The following FAM83B variants were observed in gnomAD, a reference collection of about 807,000 sequenced individuals.
FAM83B encodes the protein protein FAM83B.
FAM83B carries 26 observed loss-of-function variants against 38.8 expected under a neutral mutation model. That is an observed-to-expected ratio of 0.67 (90% CI 0.49 to 0.93). FAM83B has a LOEUF of 0.93. Among genes scored for constraint, FAM83B ranks in the 40% least tolerant of loss-of-function variants. The pLI is 0.00. For synonymous variants in FAM83B, 419 were observed against 423.1 expected (o/e 0.99, Z 0.12); for missense variants, 1,237 against 1,197.3 (o/e 1.03, Z -0.49).
chr6:54,858,564 C>T, intron 1 of FAM83B, among the ~76,000 whole-genome samples: 1 of 152,164 alleles, frequency 6.6e-6, no homozygotes, highest in Non-Finnish European at 1.5e-5. Flanking sequence ...TTTAAACAGC[C>T]AATTAATCTT....
intron 1 of FAM83B, among the ~76,000 whole-genome samples, chr6:54,869,541 G>T (rs1339461395): frequency 6.6e-6 from 1 of 150,614 alleles, no homozygotes; most frequent in Non-Finnish European, 1.5e-5. Context: ...TATCTCTTCC[G>T]TGATTTTGCT....
chr6:54,924,320 T>C (rs990571920), intron 2 of FAM83B, among the ~76,000 whole-genome samples: 5 of 151,900 alleles, frequency 3.3e-5, no homozygotes, highest in African/African-American at 1.2e-4. Context: ...TTTATGCCAA[T>C]TAAAAAATAA....
intron 2 of FAM83B, among the ~76,000 whole-genome samples, chr6:54,901,565 T>G (rs987610637): frequency 2.6e-5 from 4 of 152,122 alleles, no homozygotes; most frequent in African/African-American, 4.8e-5. Flanking sequence ...CTTATAGAGG[T>G]TCTTATTAAA....
chr6:54,873,746 C>CT (rs2127576165), intron 2 of FAM83B, among the ~76,000 whole-genome samples: 1 of 146,736 alleles, frequency 6.8e-6, no homozygotes, highest in South Asian at 2.2e-4. Context: ...GTAATAAACA[C>CT]TGTAAAACTC....
At chr6:54,868,621 A>G (rs979789109) in intron 1 of FAM83B, among the ~76,000 whole-genome samples, 8 of 152,058 alleles carry the variant, frequency 5.3e-5, no homozygotes, top group Non-Finnish European at 7.4e-5. Flanking sequence ...GCAAAACTTC[A>G]CCATTATACT....
chr6:54,934,211 G>C (rs1773483008), intron 4 of FAM83B, among the ~76,000 whole-genome samples: 1 of 152,078 alleles, frequency 6.6e-6, no homozygotes, highest in Non-Finnish European at 1.5e-5. Flanking sequence ...GTTTCTTCTA[G>C]GTGCCATTTT....
chr6:54,931,196 G>T (rs1242439797), intron 4 of FAM83B, among the ~76,000 whole-genome samples: 1 of 152,114 alleles, frequency 6.6e-6, no homozygotes, highest in Non-Finnish European at 1.5e-5. Flanking sequence ...ATTTGTTGAG[G>T]TTTGTTTTGC....
rs191249411 is a variant in FAM83B, at chr6:54,851,544, C to T, written c.-61+4718C>T. Among the ~76,000 whole-genome samples the T allele has an allele frequency of 3.3e-3, 497 of 152,226 alleles. 4 individuals are homozygous for T. The highest frequency in any genetic ancestry group is 0.011 in the African/African-American group (469 of 41,534). ...CTGGAGTGCCATGGCGTGATCTTGGCCCACCACAACCTCTGCCTCCCGGGT... is the reference window on the plus strand; with the variant it reads ...CTGGAGTGCCATGGCGTGATCTTGGTCCACCACAACCTCTGCCTCCCGGGT... On this transcript the variant is annotated intron_variant, in intron 1 of 4. Coordinates refer to ENST00000306858, the MANE Select transcript of FAM83B (RefSeq NM_001010872.3).
chr6:54,889,467 A>G (rs239782), intron 2 of FAM83B, among the ~76,000 whole-genome samples: 13,543 of 152,068 alleles, frequency 0.089, 748 homozygotes, highest in African/African-American at 0.14. Context: ...TGGTTCCAGG[A>G]CGCCCACACC....
chr6:54,916,482 G>A (rs1258536415), intron 2 of FAM83B, among the ~76,000 whole-genome samples: 1 of 152,040 alleles, frequency 6.6e-6, no homozygotes, highest in East Asian at 1.9e-4. Context: ...CTTGGAACAC[G>A]GATGTCTGAC....
chr6:54,918,920 G>A (rs983040414), intron 2 of FAM83B, among the ~76,000 whole-genome samples: 1 of 152,056 alleles, frequency 6.6e-6, no homozygotes, highest in African/African-American at 2.4e-5. Context: ...CATTGTTTGT[G>A]TGATCACAGA....
intron 1 of FAM83B, among the ~76,000 whole-genome samples, chr6:54,848,151 G>A (rs2127570138): frequency 6.6e-6 from 1 of 152,274 alleles, no homozygotes; most frequent in African/African-American, 2.4e-5. Context: ...TGGAGAATGA[G>A]AATAATGTGA....
At chr6:54,917,393 C>T (rs1303425766) in intron 2 of FAM83B, among the ~76,000 whole-genome samples, 1 of 152,090 alleles carries the variant, frequency 6.6e-6, no homozygotes, top group Non-Finnish European at 1.5e-5. Flanking sequence ...CTAAAGTTTT[C>T]ACTTAAGTGA....
chr6:54,886,760 T>A (rs2127579277), intron 2 of FAM83B, among the ~76,000 whole-genome samples: 1 of 152,122 alleles, frequency 6.6e-6, no homozygotes, highest in African/African-American at 2.4e-5. Context: ...TTTTCTATTT[T>A]ACGTTGTATT....
intron 1 of FAM83B, among the ~76,000 whole-genome samples, chr6:54,850,113 T>G (rs1304917195): frequency 6.6e-6 from 1 of 152,232 alleles, no homozygotes; most frequent in Admixed American, 6.5e-5. Flanking sequence ...ATGATAATTA[T>G]AAGTACACAA....
At chr6:54,878,435 G>A (rs1772048397) in intron 2 of FAM83B, among the ~76,000 whole-genome samples, 1 of 152,208 alleles carries the variant, frequency 6.6e-6, no homozygotes, top group South Asian at 2.1e-4. Flanking sequence ...GCTGAGAGTG[G>A]TGGTGGAAGG....
intron 2 of FAM83B, among the ~76,000 whole-genome samples, chr6:54,907,582 T>C (rs572614339): frequency 1.4e-5 from 2 of 147,892 alleles, no homozygotes; most frequent in South Asian, 2.1e-4. Flanking sequence ...ACTGAGGAAG[T>C]AGAAGAGAGG....
At chr6:54,850,179 G>A (rs1771240260) in intron 1 of FAM83B, among the ~76,000 whole-genome samples, 1 of 152,142 alleles carries the variant, frequency 6.6e-6, no homozygotes, top group South Asian at 2.1e-4. Flanking sequence ...TTCTCTGAAG[G>A]TCACAGCAGA....
At chr6:54,933,372 T>C (rs1194437137) in intron 4 of FAM83B, among the ~76,000 whole-genome samples, 1 of 151,700 alleles carries the variant, frequency 6.6e-6, no homozygotes, top group African/African-American at 2.4e-5. Flanking sequence ...TTTACTTGTC[T>C]GTGTGTGTGT....
Sources: gnomAD v4.1 joint callset for allele counts (sites outside exome capture counted in the v4.1 genomes callset) on GRCh38, gnomAD v4.1.1 for gene constraint, MANE v1.5 for transcripts, NCBI Gene and HGNC (gene_info 2026-07-23, HGNC 2026-07-21) for gene names.